Variants in KIFC3 observed in about 807,000 individuals in gnomAD.
KIFC3 encodes the protein kinesin-like protein KIFC3.
Under a neutral mutation model 101.8 loss-of-function variants are expected in KIFC3, and 60 were observed. That is an observed-to-expected ratio of 0.59 (90% confidence interval 0.48 to 0.73). KIFC3 has a LOEUF of 0.73. KIFC3 is among the 30% of genes least tolerant of loss of function. The pLI, the probability that KIFC3 is intolerant of heterozygous loss-of-function variation, is 0.00. For missense variants in KIFC3, 966 were observed against 1,137.1 expected, an observed-to-expected ratio of 0.85 and a Z score of 2.16; for synonymous variants, 476 against 482.7, an observed-to-expected ratio of 0.99 and a Z score of 0.18.
At chr16:57,862,354 G>A (rs1567350850) in intron 1 of KIFC3, among the ~76,000 whole-genome samples, 1 of 151,886 alleles carries the variant, frequency 6.6e-6, no homozygotes, top group Non-Finnish European at 1.5e-5. Flanking sequence ...AGAACATCGT[G>A]CAACTTAGAA....
At chr16:57,819,282 C>T (rs1386143446) in intron 1 of KIFC3, among the ~76,000 whole-genome samples, 1 of 152,142 alleles carries the variant, frequency 6.6e-6, no homozygotes, top group Admixed American at 6.5e-5. Context: ...CCAGCCTGGG[C>T]AACACAGGGA....
chr16:57,770,707 G>A lies in KIFC3; in HGVS notation c.766-7C>T. The stretch of plus-strand genomic sequence containing the variant: ...CCACTGTCTTGATGACATACTGCAG[G>A]GTGAGGGAGGAATGGCACGTGGAGC... On this transcript the variant is annotated splice_region_variant and splice_polypyrimidine_tract_variant and intron_variant, in intron 6 of 19. Coordinates refer to ENST00000445690, the MANE Select transcript of KIFC3 (RefSeq NM_001130100.2). The A allele has an allele frequency of 6.9e-7, 1 of 1,455,486 alleles. No individual in the cohort carries two copies. Among genetic ancestry groups the A allele is most frequent in the Non-Finnish European group, 9.1e-7 (1 of 1,097,650 alleles). The allele number at this position is 1,455,486 out of a possible 1,614,324, so 90.2% of individuals were successfully genotyped here. A position where few individuals can be genotyped will look rare whatever the true frequency, so the allele number is the denominator to read the frequency against.
chr16:57,795,884 GTTT>G lies in KIFC3; in HGVS notation c.173-746_173-744del, dbSNP rs797031930. Among the ~76,000 whole-genome samples, 9 of 58,782 alleles carry G rather than the reference GTTT, an allele frequency of 1.5e-4. 1 individual carries two copies. The highest frequency in any genetic ancestry group is 2.0e-4 in the Non-Finnish European group (5 of 24,508). The allele number at this position is 58,782 out of a possible 152,430, so 38.6% of individuals were successfully genotyped here. A position where few individuals can be genotyped will look rare whatever the true frequency, so the allele number is the denominator to read the frequency against. The stretch of plus-strand genomic sequence containing the variant: ...ACATTCTGTTTTTTTGGGCTTTTTT[GTTT>G]TTTTTTTTTTTTTTTTTTTTTTTTG... On this transcript the variant is annotated intron_variant, in intron 2 of 19. Coordinates refer to ENST00000445690, the MANE Select transcript of KIFC3 (RefSeq NM_001130100.2).
At chr16:57,821,237 C>T (rs1200702806) in intron 1 of KIFC3, among the ~76,000 whole-genome samples, 2 of 151,898 alleles carry the variant, frequency 1.3e-5, no homozygotes, top group Non-Finnish European at 2.9e-5. Context: ...CTGGGAGATG[C>T]AGACCCAGGT....
intron 1 of KIFC3, among the ~76,000 whole-genome samples, chr16:57,827,008 G>T (rs372342807): frequency 1.1e-4 from 16 of 152,162 alleles, no homozygotes; most frequent in African/African-American, 3.6e-4. Context: ...TGCTAGGAAG[G>T]CTCTGCAACT....
At chr16:57,796,989 C>T (rs2054375769) in intron 2 of KIFC3, among the ~76,000 whole-genome samples, 1 of 152,244 alleles carries the variant, frequency 6.6e-6, no homozygotes, top group African/African-American at 2.4e-5. Flanking sequence ...GGCCCAAAAG[C>T]CCAGGCTTTT....
chr16:57,859,814 G>C (rs2056255618), intron 1 of KIFC3, among the ~76,000 whole-genome samples: 1 of 151,876 alleles, frequency 6.6e-6, no homozygotes, highest in African/African-American at 2.4e-5. Flanking sequence ...TTGAGGGCAG[G>C]AGTTTGAGAC....
chr16:57,831,230 G>C (rs1416292226), intron 1 of KIFC3, among the ~76,000 whole-genome samples: 1 of 152,206 alleles, frequency 6.6e-6, no homozygotes, highest in Non-Finnish European at 1.5e-5. Flanking sequence ...AACCACATCT[G>C]CTCACACCAG....
intron 3 of KIFC3, chr16:57,774,947 C>G (rs1597998593): frequency 6.7e-7 from 1 of 1,499,694 alleles, no homozygotes. Flanking sequence ...CCCAGAAAGG[C>G]TGCTGCCTCA....
chr16:57,829,563 A>G (rs2055531722), intron 1 of KIFC3, among the ~76,000 whole-genome samples: 1 of 152,140 alleles, frequency 6.6e-6, no homozygotes, highest in Admixed American at 6.5e-5. Flanking sequence ...CCAAAAATCT[A>G]TTTTTTAAAT....
Position 57,795,149 on chromosome 16 carries a change from A to G in KIFC3, c.173-8T>C. The G allele has an allele frequency of 6.2e-7, 1 of 1,607,014 alleles. No homozygotes were observed. Among genetic ancestry groups the G allele is most frequent in the East Asian group, 2.3e-5 (1 of 44,130 alleles). On this transcript the variant is annotated splice_polypyrimidine_tract_variant and splice_region_variant and intron_variant, in intron 2 of 19. Transcript: ENST00000445690. The stretch of plus-strand genomic sequence containing the variant: ...GGGTATCTTTTCCACGCCCTGTCCC[A>G]GGACAGAGAGATAGGTGAGACACTC...
intron 1 of KIFC3, among the ~76,000 whole-genome samples, chr16:57,828,947 C>G (rs1305057496): frequency 6.6e-6 from 1 of 152,158 alleles, no homozygotes; most frequent in South Asian, 2.1e-4. Flanking sequence ...GTTGCTATAC[C>G]CATTTTACAG....
chr16:57,818,507 G>A (rs1052650738), intron 1 of KIFC3, among the ~76,000 whole-genome samples: 10 of 152,152 alleles, frequency 6.6e-5, no homozygotes, highest in Admixed American at 2.6e-4. Context: ...GGGGATTATA[G>A]GCATGTGCTA....
chr16:57,810,193 GA>G (rs1416524895), intron 1 of KIFC3, among the ~76,000 whole-genome samples: 14 of 151,442 alleles, frequency 9.2e-5, no homozygotes, highest in South Asian at 4.2e-4. Flanking sequence ...ACTACTGGGG[GA>G]AAAAAAAATT....
chr16:57,850,469 T>TG (rs1377317781), intron 1 of KIFC3, among the ~76,000 whole-genome samples: 1 of 91,214 alleles, frequency 1.1e-5, no homozygotes, highest in Non-Finnish European at 2.4e-5. Flanking sequence ...AAAAGGGTTT[T>TG]TTTTTTTTTT....
intron 1 of KIFC3, among the ~76,000 whole-genome samples, chr16:57,835,683 C>T (rs1006284319): frequency 2.0e-5 from 3 of 151,798 alleles, no homozygotes; most frequent in Admixed American, 1.3e-4. Flanking sequence ...GGCGCAGTGG[C>T]TCATGCCTGT....
intron 17 of KIFC3, 61 bp downstream of exon 17, chr16:57,760,221 G>T (rs781813300): frequency 3.8e-6 from 6 of 1,560,482 alleles, no homozygotes; most frequent in Non-Finnish European, 4.4e-6. Context: ...CCCTGCTCCT[G>T]CCATGACCCA....
At chr16:57,818,754 T>C (rs2007806) in intron 1 of KIFC3, among the ~76,000 whole-genome samples, 70,517 of 151,976 alleles carry the variant, frequency 0.46, 17,519 homozygotes, top group African/African-American at 0.64. Context: ...CTTTGTAAGC[T>C]CCTCGAGGCT....
chr16:57,760,313 A>C lies in KIFC3; in HGVS notation c.2336T>G (p.Leu779Arg). 2 of 1,613,728 alleles carry C rather than the reference A, an allele frequency of 1.2e-6. No homozygotes were observed. The highest frequency in any genetic ancestry group is 1.7e-6 in the Non-Finnish European group (2 of 1,179,884). Residue 779 changes from leucine to arginine, a missense_variant, in exon 17 of 20, where the codon CTT becomes CGT. Leu to Arg is a moderately radical substitution (Grantham distance 102). This residue lies in a region of KIFC3 where 689 missense variants were observed against 884.6 expected (regional missense o/e 0.78). Coordinates refer to ENST00000445690, the MANE Select transcript of KIFC3 (RefSeq NM_001130100.2). ...ATGCTCCTGGCTTGACCAGGACCCA[A>C]GCTCTGCCCTGCGTAGCCCAGGCCC... ...ELGPGLRRAE[L>R]GSWSSQEHLE...
Sources: allele counts gnomAD v4.1 joint callset (sites outside exome capture counted in the v4.1 genomes callset), GRCh38; gene constraint gnomAD v4.1.1; regional missense constraint gnomAD v4.1.1; transcripts MANE v1.5; gene names NCBI Gene and HGNC (gene_info 2026-07-23, HGNC 2026-07-21).